OR51B5: variants seen among roughly 807,000 people sequenced by gnomAD.
OR51B5 encodes the protein olfactory receptor 51B5.
For missense variants in OR51B5, 456 were observed against 374.6 expected (o/e 1.22, Z -1.79); for synonymous variants, 186 against 144.8 (o/e 1.28, Z -2.04).
At chr11:5,446,379 G>C (rs1465977841) in intron 1 of OR51B5, among the ~76,000 whole-genome samples, 2 of 152,008 alleles carry the variant, frequency 1.3e-5, no homozygotes, top group African/African-American at 2.4e-5. Context: ...TATTCACTGT[G>C]AAATTCTTTC....
At chr11:5,400,949 C>T (rs2647588) in intron 1 of OR51B5, among the ~76,000 whole-genome samples, 55,708 of 151,860 alleles carry the variant, frequency 0.37, 10,276 homozygotes, top group South Asian at 0.43. Context: ...ATGCGGGAAG[C>T]ATGTTTGTTC....
intron 1 of OR51B5, among the ~76,000 whole-genome samples, chr11:5,490,960 G>A (rs1421692199): frequency 6.6e-6 from 1 of 152,208 alleles, no homozygotes; most frequent in Non-Finnish European, 1.5e-5. Context: ...GGCTTAATCT[G>A]CAGTGTTCAT....
At chr11:5,459,177 T>C (rs1019001187) in intron 1 of OR51B5, among the ~76,000 whole-genome samples, 8 of 152,218 alleles carry the variant, frequency 5.3e-5, no homozygotes, top group African/African-American at 1.9e-4. Context: ...TGCTGAATTA[T>C]GTCAAAAGCC....
intron 1 of OR51B5, among the ~76,000 whole-genome samples, chr11:5,438,979 C>G (rs1427527959): frequency 6.6e-6 from 1 of 152,134 alleles, no homozygotes; most frequent in East Asian, 1.9e-4. Context: ...AATAGATTTG[C>G]AGAAAAGTCT....
chr11:5,407,173 C>G (rs1850070162), intron 1 of OR51B5, among the ~76,000 whole-genome samples: 1 of 152,030 alleles, frequency 6.6e-6, no homozygotes, highest in Admixed American at 6.6e-5. Flanking sequence ...ATTGAGGGTA[C>G]AGGATATATT....
chr11:5,430,110 AAAG>A (rs1490973315), intron 1 of OR51B5, among the ~76,000 whole-genome samples: 1 of 152,224 alleles, frequency 6.6e-6, no homozygotes, highest in Non-Finnish European at 1.5e-5. Flanking sequence ...TTTGAGAGTA[AAAG>A]AAGGTAACAT....
intron 1 of OR51B5, chr11:5,489,746 G>A (rs1851555428): frequency 1.1e-6 from 1 of 932,472 alleles, no homozygotes; most frequent in East Asian, 2.4e-5. Flanking sequence ...GTGATGATGT[G>A]AAAGGAATGG....
intron 1 of OR51B5, among the ~76,000 whole-genome samples, chr11:5,403,747 T>C (rs2133743939): frequency 6.6e-6 from 1 of 152,126 alleles, no homozygotes; most frequent in East Asian, 1.9e-4. Context: ...TACACAAAAG[T>C]GAGGCTTTTT....
chr11:5,472,205 A>C (rs1245190883), intron 1 of OR51B5, among the ~76,000 whole-genome samples: 2 of 152,300 alleles, frequency 1.3e-5, no homozygotes, highest in East Asian at 3.9e-4. Flanking sequence ...TCAGGCACCA[A>C]CTAGATGGGG....
chr11:5,468,396 G>C (rs767255301), intron 1 of OR51B5: 1 of 288,428 alleles, frequency 3.5e-6, no homozygotes, highest in Admixed American at 4.7e-5. Context: ...TCTGGAGGGA[G>C]ATTGAAAGGC....
At chr11:5,361,890 C>T (rs715792) in intron 1 of OR51B5, among the ~76,000 whole-genome samples, 57,715 of 151,906 alleles carry the variant, frequency 0.38, 11,198 homozygotes, top group Non-Finnish European at 0.41. Flanking sequence ...CTCTTTGCCT[C>T]TATGTGTTCT....
rs1374731921 is a variant in OR51B5 at position 5,359,606 on chromosome 11, C to A, written n.85-12696G>T. Among the ~76,000 whole-genome samples, 3 of 145,912 alleles carry A rather than the reference C, an allele frequency of 2.1e-5. No homozygotes were observed. In the East Asian group the frequency reaches 5.8e-4, roughly 28 times the overall value. On this transcript the variant is annotated intron_variant and non_coding_transcript_variant, in intron 1 of 4. Coordinates refer to the OR51B5 transcript ENST00000415970. ...TAGATTCAATGCCATCCCCATCAAG[C>A]TACCAATGACTTTCTTCACAGAATT...
intron 1 of OR51B5, among the ~76,000 whole-genome samples, chr11:5,501,462 T>C (rs571180913): frequency 6.7e-6 from 1 of 148,170 alleles, no homozygotes; most frequent in Non-Finnish European, 1.5e-5. Flanking sequence ...TCCAAGTTCC[T>C]TGACTAGCTC....
At chr11:5,466,753 T>A (rs1306167691) in intron 1 of OR51B5, among the ~76,000 whole-genome samples, 1 of 152,084 alleles carries the variant, frequency 6.6e-6, no homozygotes, top group African/African-American at 2.4e-5. Flanking sequence ...GCTCTAGGGG[T>A]CCCTCTGTTG....
chr11:5,491,526 A>G (rs1590027662), intron 1 of OR51B5, among the ~76,000 whole-genome samples: 1 of 152,176 alleles, frequency 6.6e-6, no homozygotes, highest in African/African-American at 2.4e-5. Flanking sequence ...TGCAGGAAGG[A>G]GACAGCAAAG....
intron 1 of OR51B5, among the ~76,000 whole-genome samples, chr11:5,405,888 T>C (rs1391612): frequency 0.84 from 127,540 of 152,144 alleles, 53,954 homozygotes; most frequent in Non-Finnish European, 0.89. Flanking sequence ...CACAACTCCA[T>C]AGAGGACAAT....
intron 1 of OR51B5, among the ~76,000 whole-genome samples, chr11:5,410,460 G>A (rs957430942): frequency 3.3e-5 from 5 of 151,958 alleles, no homozygotes; most frequent in African/African-American, 7.3e-5. Context: ...AGTAAAATAC[G>A]GTCATGTTTC....
intron 1 of OR51B5, chr11:5,422,892 C>G (rs150281365): frequency 6.2e-7 from 1 of 1,614,058 alleles, no homozygotes; most frequent in Non-Finnish European, 8.5e-7. Context: ...TTGGGCACAG[C>G]CACCTGGGCT....
At chr11:5,464,942 C>T (rs1270919896) in intron 1 of OR51B5, among the ~76,000 whole-genome samples, 5 of 152,164 alleles carry the variant, frequency 3.3e-5, no homozygotes, top group Admixed American at 6.5e-5. Context: ...CGCGGTGGCT[C>T]ACGCCTGTAA....
Sources: gnomAD v4.1 joint callset for allele counts (sites outside exome capture counted in the v4.1 genomes callset) on GRCh38, gnomAD v4.1.1 for gene constraint, MANE v1.5 for transcripts, NCBI Gene and HGNC (gene_info 2026-07-23, HGNC 2026-07-21) for gene names.